The following AGBL4 variants were observed in gnomAD, a reference collection of about 807,000 sequenced individuals.
The protein encoded by AGBL4 is AGBL carboxypeptidase 4, also known as cytosolic carboxypeptidase 6.
In AGBL4, 58 loss-of-function variants were observed where a neutral mutation model predicts 66.4. That is an observed-to-expected ratio of 0.87 (90% CI 0.71 to 1.09). The LOEUF is 1.09. AGBL4 is among the 50% of genes least tolerant of loss of function. The pLI is 0.00. For missense variants in AGBL4, 579 were observed against 631.0 expected (o/e 0.92, Z 0.88); for synonymous variants, 234 against 222.9 (o/e 1.05, Z -0.44).
intron 6 of AGBL4, among the ~76,000 whole-genome samples, chr1:48,863,870 A>C (rs1647725672): frequency 6.6e-6 from 1 of 152,144 alleles, no homozygotes; most frequent in South Asian, 2.1e-4. Flanking sequence ...GGAGAATACG[A>C]TATTTAGATA....
intron 4 of AGBL4, among the ~76,000 whole-genome samples, chr1:49,056,823 C>T (rs1334127746): frequency 6.6e-6 from 1 of 152,048 alleles, no homozygotes; most frequent in Non-Finnish European, 1.5e-5. Flanking sequence ...TATAGGATTT[C>T]TTGATGGATT....
At chr1:49,902,531 G>A (rs772677825) in intron 1 of AGBL4, among the ~76,000 whole-genome samples, 7 of 152,002 alleles carry the variant, frequency 4.6e-5, no homozygotes, top group Non-Finnish European at 8.8e-5. Context: ...GGCAGATCAC[G>A]AGGTCAGGAG....
At chr1:48,824,968 A>G (rs553144907) in intron 6 of AGBL4, among the ~76,000 whole-genome samples, 5 of 152,180 alleles carry the variant, frequency 3.3e-5, no homozygotes, top group African/African-American at 1.2e-4. Context: ...ATGCAATTAG[A>G]ACTGTAATAC....
At chr1:49,293,268 C>G (rs1644578475) in intron 3 of AGBL4, among the ~76,000 whole-genome samples, 1 of 152,206 alleles carries the variant, frequency 6.6e-6, no homozygotes, top group South Asian at 2.1e-4. Context: ...CACTCACACA[C>G]TCCTTGCCAC....
chr1:49,827,043 T>C (rs1302814170), intron 2 of AGBL4, among the ~76,000 whole-genome samples: 1 of 152,082 alleles, frequency 6.6e-6, no homozygotes, highest in Non-Finnish European at 1.5e-5. Context: ...GGATTTGATA[T>C]TGGTTAGCAG....
chr1:49,407,173 G>T (rs1009201154), intron 3 of AGBL4, among the ~76,000 whole-genome samples: 5 of 149,796 alleles, frequency 3.3e-5, no homozygotes, highest in African/African-American at 1.2e-4. Flanking sequence ...GGATAAGATT[G>T]ATATCTAAGT....
rs189340166 is a variant in AGBL4 at position 48,663,300 on chromosome 1, T to C, written c.635-59A>G. On this transcript the variant is annotated intron_variant, in intron 6 of 13. Coordinates refer to ENST00000371839, the MANE Select transcript of AGBL4 (RefSeq NM_032785.4). ...GGGCAAGAAAAGCTGAGTCTAGTGGTTGGTGTGTGGCAGGGAACCCCAGAG... is the reference window on the plus strand; with the variant it reads ...GGGCAAGAAAAGCTGAGTCTAGTGGCTGGTGTGTGGCAGGGAACCCCAGAG... The C allele has an allele frequency of 2.5e-4, 383 of 1,559,146 alleles. 1 individual carries two copies. The Admixed American group carries it at 6.2e-3, about 25-fold the overall frequency.
chr1:49,035,490 A>G (rs1664568679), intron 5 of AGBL4, among the ~76,000 whole-genome samples: 2 of 152,146 alleles, frequency 1.3e-5, no homozygotes, highest in Non-Finnish European at 2.9e-5. Context: ...ATGTTGACAT[A>G]CTTCTGGGGT....
At chr1:48,617,202 C>A (rs1357360410) in intron 9 of AGBL4, among the ~76,000 whole-genome samples, 2 of 152,150 alleles carry the variant, frequency 1.3e-5, no homozygotes, top group Non-Finnish European at 2.9e-5. Flanking sequence ...TGTGACAACA[C>A]TAATATATTT....
intron 3 of AGBL4, among the ~76,000 whole-genome samples, chr1:49,395,734 T>C (rs1003301324): frequency 1.4e-5 from 2 of 141,364 alleles, no homozygotes; most frequent in African/African-American, 2.7e-5. Flanking sequence ...AAAATGTGTG[T>C]ATATATATAT....
intron 3 of AGBL4, among the ~76,000 whole-genome samples, chr1:49,313,746 C>T (rs558049068): frequency 6.6e-6 from 1 of 151,864 alleles, no homozygotes; most frequent in Non-Finnish European, 1.5e-5. Flanking sequence ...AATTTAAGTT[C>T]TTTGTAGATT....
chr1:49,530,954 C>T lies in AGBL4; in HGVS notation c.282+166359G>A, dbSNP rs550840771. On this transcript the variant is annotated intron_variant, in intron 3 of 13. Coordinates refer to ENST00000371839, the MANE Select transcript of AGBL4 (RefSeq NM_032785.4). ...TAGGGGAAATAAAAATACCTAAACA[C>T]TGAGGATTAGATGAAATAGTATATG... Among the ~76,000 whole-genome samples the T allele has an allele frequency of 3.5e-4, 53 of 152,128 alleles. 1 individual carries two copies. The South Asian group carries it at 9.5e-3, about 27-fold the overall frequency.
At chr1:49,993,297 T>C (rs181453848) in intron 1 of AGBL4, among the ~76,000 whole-genome samples, 1 of 152,360 alleles carries the variant, frequency 6.6e-6, no homozygotes, top group Admixed American at 6.5e-5. Flanking sequence ...CTACTGGACA[T>C]TGTTGAGATT....
At chr1:49,157,870 T>C (rs1303335423) in intron 4 of AGBL4, among the ~76,000 whole-genome samples, 1 of 152,182 alleles carries the variant, frequency 6.6e-6, no homozygotes, top group Non-Finnish European at 1.5e-5. Flanking sequence ...TAGCTGCACG[T>C]ATATGTTCTT....
chr1:49,926,030 C>A (rs1439275681), intron 1 of AGBL4, among the ~76,000 whole-genome samples: 1 of 152,182 alleles, frequency 6.6e-6, no homozygotes, highest in Non-Finnish European at 1.5e-5. Context: ...CTTGAGCAAA[C>A]ATAGGTGGTA....
intron 3 of AGBL4, among the ~76,000 whole-genome samples, chr1:49,298,291 C>G (rs549804793): frequency 1.3e-5 from 2 of 152,176 alleles, no homozygotes; most frequent in Non-Finnish European, 2.9e-5. Context: ...TCCCACCTAT[C>G]ACCCTAAGGC....
intron 4 of AGBL4, among the ~76,000 whole-genome samples, chr1:49,158,138 G>A (rs1232774226): frequency 6.6e-6 from 1 of 152,112 alleles, no homozygotes; most frequent in African/African-American, 2.4e-5. Flanking sequence ...GCAGAAAGCT[G>A]AAACTGAACC....
intron 1 of AGBL4, among the ~76,000 whole-genome samples, chr1:49,945,574 C>A (rs894111378): frequency 6.6e-6 from 1 of 152,038 alleles, no homozygotes; most frequent in South Asian, 2.1e-4. Context: ...AGCTCTAAAT[C>A]TTGAAACAAA....
intron 6 of AGBL4, among the ~76,000 whole-genome samples, chr1:48,788,608 A>G (rs553863335): frequency 8.5e-5 from 13 of 152,178 alleles, no homozygotes; most frequent in African/African-American, 3.1e-4. Context: ...AAAAGGATGA[A>G]CTATGTTATG....
Sources: allele counts gnomAD v4.1 joint callset (sites outside exome capture counted in the v4.1 genomes callset), GRCh38; gene constraint gnomAD v4.1.1; transcripts MANE v1.5; gene names NCBI Gene and HGNC (gene_info 2026-07-23, HGNC 2026-07-21).